TSBP1: variants seen among roughly 807,000 people sequenced by gnomAD.
TSBP1 encodes the protein testis-expressed basic protein 1.
Under a neutral mutation model 68.8 loss-of-function variants are expected in TSBP1, and 56 were observed. The ratio of observed to expected loss-of-function variants is 0.81; its 90% CI spans 0.66 to 1.02. The LOEUF (loss-of-function observed/expected upper bound fraction) is 1.02. TSBP1 is among the 50% of genes least tolerant of loss of function. The probability of loss-of-function intolerance (pLI) is 0.00; values close to 1 mark genes in which losing one functional copy is unlikely to be tolerated. For missense variants in TSBP1, 502 were observed against 641.2 expected, an observed-to-expected ratio of 0.78 and a Z score of 2.34; for synonymous variants, 171 against 208.7, an observed-to-expected ratio of 0.82 and a Z score of 1.56.
intron 16 of TSBP1, chr6:32,326,118 C>T (rs1768194336): frequency 7.1e-7 from 1 of 1,404,546 alleles, no homozygotes; most frequent in East Asian, 2.3e-5. Context: ...AACCATGAAA[C>T]CAAAGTGGCT....
intron 20 of TSBP1, among the ~76,000 whole-genome samples, chr6:32,301,887 AT>A (rs1765329965): frequency 6.6e-6 from 1 of 151,004 alleles, no homozygotes; most frequent in African/African-American, 2.4e-5. Flanking sequence ...CCAAATAAAA[AT>A]AGCATCTAGG....
At chr6:32,295,594 A>G (rs1362969454) in intron 22 of TSBP1, among the ~76,000 whole-genome samples, 1 of 152,118 alleles carries the variant, frequency 6.6e-6, no homozygotes, top group Non-Finnish European at 1.5e-5. Flanking sequence ...GGCAAACTTT[A>G]CTTTCTGTCT....
At chr6:32,317,011 TTG>T (rs1767031051) in intron 18 of TSBP1, among the ~76,000 whole-genome samples, 1 of 152,082 alleles carries the variant, frequency 6.6e-6, no homozygotes, top group African/African-American at 2.4e-5. Context: ...TTAAGAGGGG[TTG>T]GCCTGAGTGT....
chr6:32,300,851 C>A, intron 20 of TSBP1, 151 bp from the exon 24 acceptor site: 1 of 690,920 alleles, frequency 1.4e-6, no homozygotes, highest in South Asian at 1.8e-5. Flanking sequence ...TCCCCCTTCT[C>A]TTTGCCCAGT....
At position 32,293,424 on chromosome 6, in the gene TSBP1, C is replaced by A. The variant is rs1292573913; in HGVS notation, c.1249G>T (p.Glu417Ter). 6.2e-7 allele frequency: 1 copy of A among 1,612,980 alleles called. No homozygotes were observed. Among genetic ancestry groups the A allele is most frequent in the Non-Finnish European group, 8.5e-7 (1 of 1,180,018 alleles). The stretch of plus-strand genomic sequence containing the variant: ...TCTTGTCCTTTTGGTACCTTCAACT[C>A]ACTCTTCTCTACCTGGGCTTCCTGT... Residue 417 changes from glutamate (E) to a stop codon, truncating the protein, a stop_gained, in exon 23 of 23, where the codon GAG becomes TAG. Transcript: ENST00000612031. LOFTEE classifies it low-confidence loss of function (END_TRUNC).
At chr6:32,298,425 C>T (rs1764927512) in intron 22 of TSBP1, among the ~76,000 whole-genome samples, 1 of 152,024 alleles carries the variant, frequency 6.6e-6, no homozygotes, top group South Asian at 2.1e-4. Context: ...ATTAAAAATA[C>T]AAAATTAGCT....
Position 32,294,253 on chromosome 6 carries a change from A to G in TSBP1, c.638-218T>C, listed in dbSNP as rs925460382. The G allele has an allele frequency of 6.3e-6, 4 of 635,842 alleles. No individual in the cohort carries two copies. The East Asian group carries it at 1.1e-4, about 18-fold the overall frequency. The allele number at this position is 635,842 out of a possible 1,614,324, so 39.4% of individuals were successfully genotyped here. A position where few individuals can be genotyped will look rare whatever the true frequency, so the allele number is the denominator to read the frequency against. The stretch of plus-strand genomic sequence containing the variant: ...TTCAATAATTTGGAAGATTAATGAG[A>G]GAAAAGGTAAAATGTACTGTAAATG... On this transcript the variant is annotated intron_variant, in intron 22 of 22. Coordinates refer to ENST00000612031, the Ensembl canonical transcript of TSBP1.
At chr6:32,342,633 C>G (rs1770513194) in intron 9 of TSBP1, among the ~76,000 whole-genome samples, 3 of 152,140 alleles carry the variant, frequency 2.0e-5, no homozygotes. Flanking sequence ...AACTGCTAGG[C>G]AATACTCCTC....
At chr6:32,334,916 C>T (rs1037613025) in intron 14 of TSBP1, among the ~76,000 whole-genome samples, 2 of 152,138 alleles carry the variant, frequency 1.3e-5, no homozygotes, top group African/African-American at 4.8e-5. Context: ...TGCCTGTAGT[C>T]CCAGCTACTC....
At chr6:32,362,386 C>A (rs118043414) in intron 6 of TSBP1, among the ~76,000 whole-genome samples, 1,744 of 152,206 alleles carry the variant, frequency 0.011, 25 homozygotes, top group South Asian at 0.033. Context: ...TGCAGAGAGT[C>A]CCCAGTAGCA....
In TSBP1 at chr6:32,316,441, T is replaced by C; in HGVS notation, c.560-649A>G. The C allele has an allele frequency of 6.5e-7, 1 of 1,547,566 alleles. No homozygotes were observed. The highest frequency in any genetic ancestry group is 8.7e-7 in the Non-Finnish European group (1 of 1,144,380). On this transcript the variant is annotated intron_variant, in intron 18 of 22. Transcript: ENST00000612031. The surrounding 1 kb of genome is among the most constrained non-coding windows in gnomAD (Gnocchi z 4.5). ...TAAAAAAATTAGATATCAGTGAAGA[T>C]TTGTTTGAAAGGAGCAAGTTTCCTT...
chr6:32,323,207 T>A (rs1767834876), intron 17 of TSBP1, 70 bp from the exon 19 acceptor site: 1 of 1,015,930 alleles, frequency 9.8e-7, no homozygotes, highest in African/African-American at 1.6e-5. Flanking sequence ...GGAGGTATAT[T>A]TGTGTAGGGG....
chr6:32,342,695 G>C (rs773894933), intron 9 of TSBP1, among the ~76,000 whole-genome samples: 1 of 152,184 alleles, frequency 6.6e-6, no homozygotes, highest in Non-Finnish European at 1.5e-5. Context: ...TGATTTTTTA[G>C]TAGGTCTTAT....
At chr6:32,328,680 G>A (rs748679334) in intron 16 of TSBP1, among the ~76,000 whole-genome samples, 2 of 152,164 alleles carry the variant, frequency 1.3e-5, no homozygotes, top group Non-Finnish European at 1.5e-5. Context: ...GCCTCCCAAA[G>A]TGCTAGGATT....
At position 32,314,039 on chromosome 6, in the gene TSBP1, C is replaced by T. The variant is rs1766693107; in HGVS notation, c.580+1733G>A. 7.0e-6 allele frequency among the ~76,000 whole-genome samples: 1 copy of T among 143,774 alleles called. No homozygotes were observed. 94.3% of individuals were successfully genotyped at this position (143,774 alleles called of 152,430 possible). A position where few individuals can be genotyped will look rare whatever the true frequency, so the allele number is the denominator to read the frequency against. On this transcript the variant is annotated intron_variant, in intron 19 of 22. Coordinates refer to ENST00000612031, the Ensembl canonical transcript of TSBP1. The surrounding 1 kb of genome is among the most constrained non-coding windows in gnomAD (Gnocchi z 4.2). ...TACCTTTGTTCCTGAGGCAAAGCTG[C>T]TACCTCTGTTTCCTCATCCCCTCAC... is the stretch of plus-strand genomic sequence containing the variant.
chr6:32,335,883 C>A lies in TSBP1; in HGVS notation c.451+29G>T, dbSNP rs748493576. 3 of 1,583,382 alleles carry A rather than the reference C, an allele frequency of 1.9e-6. No homozygotes were observed. In the African/African-American group the frequency reaches 4.0e-5, roughly 21 times the overall value. On this transcript the variant is annotated intron_variant, in intron 13 of 22. Coordinates refer to ENST00000612031, the Ensembl canonical transcript of TSBP1. This position sits in a 1 kb window ranked among gnomAD's most constrained non-coding sequence, Gnocchi z 5.5. ...AGATACTGCAGGAAAGTAAAATGCT[C>A]ACTGTGGAGAATCAGAGAGCAAACT...
At chr6:32,330,491 G>T in intron 16 of TSBP1, 98 bp downstream of exon 17, 1 of 1,076,338 alleles carries the variant, frequency 9.3e-7, no homozygotes, top group Non-Finnish European at 1.4e-6. Context: ...TCTTATGGCA[G>T]TGAGACACAT....
intron 16 of TSBP1, among the ~76,000 whole-genome samples, chr6:32,329,119 T>C (rs1025698658): frequency 2.0e-5 from 3 of 152,204 alleles, no homozygotes; most frequent in Non-Finnish European, 4.4e-5. Context: ...CATTTTGCAC[T>C]TTCTCCAAAT....
chr6:32,360,986 C>G (rs185218296), intron 6 of TSBP1, among the ~76,000 whole-genome samples: 1 of 151,788 alleles, frequency 6.6e-6, no homozygotes, highest in Non-Finnish European at 1.5e-5. Context: ...CCCATTAACT[C>G]GTCATTTACA....
Sources: allele counts gnomAD v4.1 joint callset (sites outside exome capture counted in the v4.1 genomes callset), GRCh38; gene constraint gnomAD v4.1.1; non-coding constraint Gnocchi (gnomAD v3.1); transcripts MANE v1.5; gene names NCBI Gene and HGNC (gene_info 2026-07-23, HGNC 2026-07-21).